Variants in AFF2 observed in about 807,000 individuals in gnomAD.
AFF2 encodes the protein AF4/FMR2 family member 2.
AFF2 carries 14 observed loss-of-function variants against 76.9 expected under a neutral mutation model. That is an observed-to-expected ratio of 0.18 (90% confidence interval 0.12 to 0.28). AFF2 has a LOEUF of 0.28. AFF2 is among the 10% of genes least tolerant of loss of function. The pLI is 1.00. For missense variants in AFF2, 868 were observed against 1,001.1 expected (o/e 0.87, Z 1.79); for synonymous variants, 398 against 366.7 (o/e 1.09, Z -0.98).
At chrX:148,686,131 C>T (rs2054599761) in intron 3 of AFF2, among the ~76,000 whole-genome samples, 1 of 111,557 alleles carries the variant, frequency 9.0e-6, no homozygotes, top group South Asian at 3.7e-4. Context: ...TTTTTTTTAG[C>T]AAAGCCTAAG....
At chrX:148,729,411 A>G (rs2055195897) in intron 3 of AFF2, among the ~76,000 whole-genome samples, 1 of 112,215 alleles carries the variant, frequency 8.9e-6, no homozygotes, top group Non-Finnish European at 1.9e-5. Flanking sequence ...ATGGTCGGGA[A>G]GGGAGAAGAG....
At position 148,953,798 on chromosome X, in the gene AFF2, A is replaced by AACAC. The variant is rs1320518499; in HGVS notation, c.1557+71_1557+74dup. 3.3e-3 allele frequency: 2,756 copies of AACAC among 836,482 alleles called. 65 individuals are homozygous for AACAC. The African/African-American group carries it at 0.054, about 16-fold the overall frequency. The allele number at this position is 836,482 out of a possible 1,213,427, so 68.9% of individuals were successfully genotyped here. On this transcript the variant is annotated intron_variant, in intron 10 of 20. Transcript: ENST00000370460. Reference sequence around the variant, plus strand: ...TGCCTGTCCCACAGGCAGCACCCTCAACACACACACACACAGACACACACA... The same window carrying AACAC: ...TGCCTGTCCCACAGGCAGCACCCTCAACACACACACACACACACAGACACACACA...
At chrX:148,792,242 G>GTGTA (rs1278560915) in intron 3 of AFF2, among the ~76,000 whole-genome samples, 1 of 111,874 alleles carries the variant, frequency 8.9e-6, no homozygotes. Flanking sequence ...TAAAGGATAG[G>GTGTA]CCTGGTACAC....
intron 7 of AFF2, among the ~76,000 whole-genome samples, chrX:148,852,389 G>GTTTTTTTTTTTTTTTT (rs33916305): frequency 1.3e-5 from 1 of 78,842 alleles, no homozygotes; most frequent in Non-Finnish European, 2.4e-5. Flanking sequence ...CCAGCAGCTG[G>GTTTTTTTTTTTTTTTT]TTTTTTTTTT....
At chrX:148,670,441 A>G (rs1474871734) in intron 3 of AFF2, among the ~76,000 whole-genome samples, 1 of 111,975 alleles carries the variant, frequency 8.9e-6, no homozygotes. Flanking sequence ...TTAGTGATGG[A>G]TAGAGATAAT....
At chrX:148,967,560 T>C (rs1189521196) in intron 14 of AFF2, 69 bp from the exon 15 acceptor site, 2 of 989,187 alleles carry the variant, frequency 2.0e-6, no homozygotes, top group East Asian at 6.1e-5. Flanking sequence ...CAGAAAAGGT[T>C]TGATGATTCA....
At chrX:148,540,491 A>T (rs968932585) in intron 1 of AFF2, among the ~76,000 whole-genome samples, 2 of 110,217 alleles carry the variant, frequency 1.8e-5, no homozygotes, top group African/African-American at 6.6e-5. Flanking sequence ...AATATAATAT[A>T]AAAAGCCAGT....
chrX:148,552,108 G>A (rs2053001171), intron 1 of AFF2, among the ~76,000 whole-genome samples: 1 of 112,601 alleles, frequency 8.9e-6, no homozygotes, highest in African/African-American at 3.2e-5. Context: ...GGTCTCTCAT[G>A]GACCCCACCA....
chrX:148,843,488 A>T (rs1269303423), intron 7 of AFF2, 55 bp downstream of exon 7: 25 of 1,002,753 alleles, frequency 2.5e-5, no homozygotes, highest in Non-Finnish European at 3.5e-5. Context: ...GCAAGGAAAC[A>T]GTGCCTCAAT....
intron 3 of AFF2, among the ~76,000 whole-genome samples, chrX:148,782,795 A>G (rs1384297961): frequency 9.0e-6 from 1 of 111,731 alleles, no homozygotes; most frequent in Non-Finnish European, 1.9e-5. Context: ...AATTTATTTC[A>G]AGAACTTGGG....
chrX:148,989,698 C>CTG (rs1557292051), intron 20 of AFF2, among the ~76,000 whole-genome samples: 7 of 112,535 alleles, frequency 6.2e-5, no homozygotes, highest in African/African-American at 2.3e-4. Context: ...CTGGAGACAA[C>CTG]CACGTATTTG....
At chrX:148,506,719 A>G (rs2052423328) in intron 1 of AFF2, among the ~76,000 whole-genome samples, 1 of 111,598 alleles carries the variant, frequency 9.0e-6, no homozygotes, top group African/African-American at 3.3e-5. Context: ...TGGAGCCTCA[A>G]AACTGGAGGT....
chrX:148,811,419 G>A (rs1213413836), intron 4 of AFF2, among the ~76,000 whole-genome samples: 1 of 111,418 alleles, frequency 9.0e-6, no homozygotes, highest in Non-Finnish European at 1.9e-5. Context: ...GGGTGGAGAC[G>A]AGGCAGCTGT....
At position 148,530,692 on chromosome X, in the gene AFF2, G is replaced by A. The variant is rs147745524; in HGVS notation, c.47+29548G>A. Reference sequence around the variant, plus strand: ...CTAACACAAAATATGTTTCATTCTCGAATTTTTTAAGATTGGGAAGCTTGG... The same window carrying A: ...CTAACACAAAATATGTTTCATTCTCAAATTTTTTAAGATTGGGAAGCTTGG... On this transcript the variant is annotated intron_variant, in intron 1 of 20. Transcript: ENST00000370460. Among the ~76,000 whole-genome samples the A allele has an allele frequency of 4.9e-3, 542 of 110,692 alleles. 2 individuals are homozygous for A. Among genetic ancestry groups the A allele is most frequent in the African/African-American group, 0.016 (494 of 30,354 alleles).
chrX:148,593,981 A>G (rs782470259), intron 1 of AFF2, among the ~76,000 whole-genome samples: 5 of 111,625 alleles, frequency 4.5e-5, no homozygotes, highest in Non-Finnish European at 9.4e-5. Context: ...CAATTTCTTC[A>G]CAGGGATATG....
intron 3 of AFF2, among the ~76,000 whole-genome samples, chrX:148,761,596 CATTT>C (rs782656176): frequency 2.0e-4 from 22 of 109,588 alleles, no homozygotes; most frequent in Non-Finnish European, 3.2e-4. Flanking sequence ...CAAACTCATT[CATTT>C]GTTTATTCAA....
At chrX:148,685,269 T>G (rs1242468110) in intron 3 of AFF2, among the ~76,000 whole-genome samples, 1 of 112,023 alleles carries the variant, frequency 8.9e-6, no homozygotes, top group Non-Finnish European at 1.9e-5. Context: ...GGAAGAACAA[T>G]GACCAGTGGC....
At chrX:148,859,493 CAGA>C (rs1292821551) in intron 7 of AFF2, among the ~76,000 whole-genome samples, 7 of 110,393 alleles carry the variant, frequency 6.3e-5, no homozygotes, top group Non-Finnish European at 1.1e-4. Context: ...GTCAGAAATC[CAGA>C]AGTTCTAAAA....
chrX:148,789,534 A>G (rs782341039), intron 3 of AFF2, among the ~76,000 whole-genome samples: 1 of 111,846 alleles, frequency 8.9e-6, no homozygotes, highest in South Asian at 3.8e-4. Context: ...CCCAGAGAGC[A>G]TAGGTGATTC....
Sources: allele counts gnomAD v4.1 joint callset (sites outside exome capture counted in the v4.1 genomes callset), GRCh38; gene constraint gnomAD v4.1.1; transcripts MANE v1.5; gene names NCBI Gene and HGNC (gene_info 2026-07-23, HGNC 2026-07-21).